Variants in GIT1 observed in about 807,000 individuals in gnomAD.
GIT1 encodes the protein ARF GTPase-activating protein GIT1.
GIT1 carries 14 observed loss-of-function variants against 91.7 expected under a neutral mutation model. That is an observed-to-expected ratio of 0.15 (90% CI 0.10 to 0.24). The LOEUF (loss-of-function observed/expected upper bound fraction) is 0.24, where lower values mean the gene tolerates loss of function less well. Ranked by LOEUF, GIT1 falls within the 10% of genes least tolerant of loss-of-function variation. The pLI, the probability that GIT1 is intolerant of heterozygous loss-of-function variation, is 1.00. For synonymous variants in GIT1, 414 were observed against 418.2 expected (o/e 0.99, Z 0.12); for missense variants, 717 against 1,024.9 (o/e 0.70, Z 4.10).
chr17:29,582,676 T>G, intron 4 of GIT1, 22 bp downstream of exon 4: 6 of 1,469,126 alleles, frequency 4.1e-6, no homozygotes, highest in Non-Finnish European at 5.7e-6. Flanking sequence ...GGGCCACCCA[T>G]CTGTTGTAGG....
Position 29,581,912 on chromosome 17 carries a change from T to C in GIT1, c.623+15A>G, listed in dbSNP as rs755704054. The C allele has an allele frequency of 6.2e-7, 1 of 1,611,736 alleles. No individual in the cohort carries two copies. The highest frequency in any genetic ancestry group is 8.5e-7 in the Non-Finnish European group (1 of 1,179,140). The stretch of plus-strand genomic sequence containing the variant: ...CCCCCACCCACCCACACTGCACCCT[T>C]CAGCCGACCCTCACCTGGCATAGTC... On this transcript the variant is annotated intron_variant, in intron 5 of 19. Transcript: ENST00000225394. The surrounding 1 kb of genome is among the most constrained non-coding windows in gnomAD (Gnocchi z 4.8).
intron 4 of GIT1, among the ~76,000 whole-genome samples, chr17:29,582,411 A>G (rs1477052089): frequency 6.6e-6 from 1 of 152,274 alleles, no homozygotes; most frequent in Non-Finnish European, 1.5e-5. Context: ...CCCATTTTAC[A>G]GATGAGTAAA....
At chr17:29,580,219 G>C (rs1316709261) in intron 7 of GIT1, among the ~76,000 whole-genome samples, 3 of 152,216 alleles carry the variant, frequency 2.0e-5, no homozygotes, top group Non-Finnish European at 2.9e-5. Flanking sequence ...CTCCGGGAAG[G>C]TGCTCAGTTA....
chr17:29,575,241 A>G lies in GIT1; in HGVS notation c.2009+47T>C, dbSNP rs1334966065. ...CCTCATGCTCTCTGCAACACCCTAG[A>G]AGCCAACAGGAACTGCATCCCCCTC... On this transcript the variant is annotated intron_variant, in intron 18 of 19. Transcript: ENST00000225394. The surrounding 1 kb of genome is among the most constrained non-coding windows in gnomAD (Gnocchi z 5.5). 5 of 1,578,986 alleles carry G rather than the reference A, an allele frequency of 3.2e-6. No individual in the cohort carries two copies. Among genetic ancestry groups the G allele is most frequent in the Non-Finnish European group, 4.3e-6 (5 of 1,157,520 alleles).
Position 29,574,610 on chromosome 17 carries a change from G to A in GIT1, c.*92C>T. 1 of 1,075,510 alleles carries A rather than the reference G, an allele frequency of 9.3e-7. No individual in the cohort carries two copies. Among genetic ancestry groups the A allele is most frequent in the Non-Finnish European group, 1.4e-6 (1 of 701,186 alleles). 66.6% of individuals were successfully genotyped at this position (1,075,510 alleles called of 1,614,324 possible). A position where few individuals can be genotyped will look rare whatever the true frequency, so the allele number is the denominator to read the frequency against. On this transcript the variant is annotated 3_prime_UTR_variant, in exon 20 of 20. Coordinates refer to ENST00000225394, the MANE Select transcript of GIT1 (RefSeq NM_014030.4). ...CAGCACTAAGGGCACTTGTGCCAGT[G>A]GCTCTGTTGGGGTGGGGATTAATGT...
Position 29,574,873 on chromosome 17 carries a change from G to T in GIT1, c.2115C>A (p.Leu705=). 1 of 1,584,562 alleles carries T rather than the reference G, an allele frequency of 6.3e-7. No individual in the cohort carries two copies. The highest frequency in any genetic ancestry group is 8.6e-7 in the Non-Finnish European group (1 of 1,168,474). The part of the protein sequence containing the change: ...LEPVRSSLRL[L]NASAYRLQSE... ...TCTGCAGCCGGTAGGCGCTGGCGTT[G>T]AGCAGCCGCAGTGAGCTCCGCACTG... Residue 705 remains leucine, a synonymous_variant, in exon 20 of 20, where the codon CTC becomes CTA. Transcript: ENST00000225394.
At chr17:29,579,250 G>C in intron 7 of GIT1, 1 of 531,538 alleles carries the variant, frequency 1.9e-6, no homozygotes, top group Admixed American at 3.4e-5. Context: ...TCCAGTCCTA[G>C]TGAAGCTCCC....
chr17:29,585,133 A>G (rs1175390168), intron 1 of GIT1, among the ~76,000 whole-genome samples: 1 of 152,016 alleles, frequency 6.6e-6, no homozygotes, highest in Non-Finnish European at 1.5e-5. Context: ...GGAAGGGACC[A>G]GCCTTCTTCG....
rs545245257 is a variant in GIT1, at chr17:29,581,053, A to G, written c.761+285T>C. The G allele has an allele frequency of 4.3e-6, 2 of 460,268 alleles. No homozygotes were observed. The highest frequency in any genetic ancestry group is 8.0e-6 in the Non-Finnish European group (2 of 249,748). The allele number at this position is 460,268 out of a possible 1,614,324, so 28.5% of individuals were successfully genotyped here. A position where few individuals can be genotyped will look rare whatever the true frequency, so the allele number is the denominator to read the frequency against. ...CTCGGCCTCCCAAAGTGCTGGGATT[A>G]CAGGCGTGAGCCACCGCGCCCGGCC... On this transcript the variant is annotated intron_variant, in intron 7 of 19. Coordinates refer to ENST00000225394, the MANE Select transcript of GIT1 (RefSeq NM_014030.4). This position sits in a 1 kb window ranked among gnomAD's most constrained non-coding sequence, Gnocchi z 4.8.
At position 29,582,962 on chromosome 17, in the gene GIT1, T is replaced by C; in HGVS notation, c.262A>G (p.Ser88Gly). Residue 88 changes from serine to glycine, a missense_variant, in exon 3 of 20, where the codon AGC becomes GGC. By Grantham distance (56) the Ser-to-Gly change is moderately conservative. Around this residue, in one of 3 missense-constraint regions of GIT1, gnomAD observed 271 missense variants for 451.6 expected, o/e 0.60. Transcript: ENST00000225394. ...HSLLDPAQVQ[S>G]GRRKANPQDK... ...TGGGGGTTGGCTTTACGCCGGCCGC[T>C]CTGCACTTGTGCGGGGTCCAGCAGG... The C allele has an allele frequency of 6.2e-7, 1 of 1,612,354 alleles. No individual in the cohort carries two copies.
At chr17:29,585,246 G>A (rs935249094) in intron 1 of GIT1, among the ~76,000 whole-genome samples, 15 of 152,196 alleles carry the variant, frequency 9.9e-5, no homozygotes, top group African/African-American at 3.1e-4. Flanking sequence ...AACACCACTG[G>A]GTCAGGGGGC....
rs1328576047 is a variant in GIT1, at chr17:29,575,743, T to C, written c.1753-40A>G. 1.9e-6 allele frequency: 3 copies of C among 1,610,388 alleles called. No homozygotes were observed. The highest frequency in any genetic ancestry group is 1.7e-6 in the Non-Finnish European group (2 of 1,177,434). ...GAAGGGGCTGTGAGCGCCGTGTTCC[T>C]GGACCCACACTGCCCCTAGCCCACA... On this transcript the variant is annotated intron_variant, in intron 16 of 19. Transcript: ENST00000225394. This position sits in a 1 kb window ranked among gnomAD's most constrained non-coding sequence, Gnocchi z 5.5.
At chr17:29,579,156 C>T in intron 7 of GIT1, 1 of 629,760 alleles carries the variant, frequency 1.6e-6, no homozygotes, top group Non-Finnish European at 2.9e-6. Context: ...ACCCCTCCTC[C>T]TCTGGCTTGC....
chr17:29,582,767 C>T lies in GIT1; in HGVS notation c.336G>A (p.Gln112=). The T allele has an allele frequency of 6.2e-7, 1 of 1,613,740 alleles. No individual in the cohort carries two copies. Among genetic ancestry groups the T allele is most frequent in the South Asian group, 1.1e-5 (1 of 91,088 alleles). The change falls in exon 4 of 20, where the codon CAG becomes CAA. Residue 112 remains glutamine, a synonymous_variant. Transcript: ENST00000225394. The part of the protein sequence containing the change: ...IKSEFIRAKY[Q]MLAFVHKLPC... The stretch of plus-strand genomic sequence containing the variant: ...GAAGCTTGTGCACAAATGCCAGCAT[C>T]TGGTACTTGGCCCTGATGAACTCTG...
At chr17:29,578,826 G>A (rs757737351) in intron 7 of GIT1, 47 bp from the exon 8 acceptor site, 9 of 1,595,526 alleles carry the variant, frequency 5.6e-6, no homozygotes, top group Non-Finnish European at 7.7e-6. Context: ...AGAGACCTGA[G>A]AGGTGGCCAG....
chr17:29,585,938 G>GGCCT (rs1222918781), intron 1 of GIT1, among the ~76,000 whole-genome samples: 2 of 152,178 alleles, frequency 1.3e-5, no homozygotes, highest in African/African-American at 2.4e-5. Context: ...ACCCCATGGA[G>GGCCT]GCCTCTACTA....
At chr17:29,586,776 G>A (rs953762593) in intron 1 of GIT1, among the ~76,000 whole-genome samples, 4 of 152,124 alleles carry the variant, frequency 2.6e-5, no homozygotes, top group South Asian at 2.1e-4. Context: ...ATCGTGTGGC[G>A]AGGTGGGCCA....
intron 9 of GIT1, 93 bp from the exon 10 acceptor site, chr17:29,577,835 C>CCACGCCTA (rs1222371851): frequency 2.2e-5 from 17 of 778,530 alleles, no homozygotes; most frequent in South Asian, 2.1e-4. Context: ...CTAGCTGCCC[C>CCACGCCTA]CACGCCTACT....
chr17:29,579,274 C>T (rs2033317939), intron 7 of GIT1: 1 of 496,168 alleles, frequency 2.0e-6, no homozygotes, highest in South Asian at 3.0e-5. Context: ...GTTCCTCAAT[C>T]ACCTGTTGCC....
Sources: gnomAD v4.1 joint callset for allele counts (sites outside exome capture counted in the v4.1 genomes callset) on GRCh38, gnomAD v4.1.1 for gene constraint, gnomAD v4.1.1 regional missense constraint, Gnocchi (gnomAD v3.1) non-coding constraint, MANE v1.5 for transcripts, NCBI Gene and HGNC (gene_info 2026-07-23, HGNC 2026-07-21) for gene names.